SYT1: variants seen among roughly 807,000 people sequenced by gnomAD.
SYT1 encodes synaptotagmin-1.
SYT1 carries 8 observed loss-of-function variants against 44.8 expected under a neutral mutation model. That is an observed-to-expected ratio of 0.18 (90% CI 0.10 to 0.32). The LOEUF is 0.32. Among genes scored for constraint, SYT1 ranks in the 10% least tolerant of loss-of-function variants. SYT1 has a pLI of 1.00. For synonymous variants in SYT1, 154 were observed against 188.8 expected (o/e 0.82, Z 1.51); for missense variants, 286 against 509.3 (o/e 0.56, Z 4.22).
chr12:78,877,881 A>G (rs1874259580), intron 1 of SYT1, among the ~76,000 whole-genome samples: 1 of 151,716 alleles, frequency 6.6e-6, no homozygotes, highest in African/African-American at 2.4e-5. Flanking sequence ...TCCCTGATTC[A>G]GCTTCTCAAG....
At chr12:79,297,805 T>C (rs1217256513) in intron 7 of SYT1, among the ~76,000 whole-genome samples, 3 of 152,138 alleles carry the variant, frequency 2.0e-5, no homozygotes, top group Non-Finnish European at 4.4e-5. Flanking sequence ...TAAAAGACTT[T>C]AAAGAAGCCT....
chr12:79,152,846 G>T (rs1870358882), intron 3 of SYT1, among the ~76,000 whole-genome samples: 1 of 146,626 alleles, frequency 6.8e-6, no homozygotes, highest in Non-Finnish European at 1.5e-5. Context: ...CTAATTAACT[G>T]ATGATGCTTC....
At chr12:78,882,610 A>T (rs560667982) in intron 1 of SYT1, among the ~76,000 whole-genome samples, 1 of 151,850 alleles carries the variant, frequency 6.6e-6, no homozygotes, top group Non-Finnish European at 1.5e-5. Context: ...TGAACAAATA[A>T]TTGCAACAAA....
At chr12:79,154,853 T>C (rs1445491530) in intron 3 of SYT1, among the ~76,000 whole-genome samples, 25 of 152,066 alleles carry the variant, frequency 1.6e-4, no homozygotes, top group Non-Finnish European at 8.8e-5. Context: ...AAAAATGCTG[T>C]TTCACTCCAC....
chr12:79,250,340 T>C (rs1877124042), intron 4 of SYT1, among the ~76,000 whole-genome samples: 1 of 152,192 alleles, frequency 6.6e-6, no homozygotes, highest in South Asian at 2.1e-4. Flanking sequence ...TCTTTATTAA[T>C]AAATACAATT....
rs183154242 is a variant in SYT1 at position 78,869,546 on chromosome 12, A to G, written c.-217+4437A>G. On this transcript the variant is annotated intron_variant, in intron 1 of 10. Coordinates refer to ENST00000261205, the MANE Select transcript of SYT1 (RefSeq NM_005639.3). Reference sequence around the variant, plus strand: ...ACTAGAGATGCTATTTCTGCAATTTAAAATATAATATTAGAGATTCTATTG... The same window carrying G: ...ACTAGAGATGCTATTTCTGCAATTTGAAATATAATATTAGAGATTCTATTG... Among the ~76,000 whole-genome samples the G allele has an allele frequency of 6.7e-3, 1,014 of 152,076 alleles. 10 individuals are homozygous for G. The highest frequency in any genetic ancestry group is 0.023 in the African/African-American group (974 of 41,550).
chr12:79,106,739 GC>G, intron 3 of SYT1, among the ~76,000 whole-genome samples: 1 of 151,648 alleles, frequency 6.6e-6, no homozygotes, highest in East Asian at 1.9e-4. Context: ...TGACATAATA[GC>G]TAAAGGTGAT....
intron 2 of SYT1, among the ~76,000 whole-genome samples, chr12:79,021,147 C>A (rs1352795122): frequency 6.6e-6 from 1 of 151,896 alleles, no homozygotes; most frequent in East Asian, 1.9e-4. Context: ...AACATCCTTG[C>A]AAATGTATGC....
intron 3 of SYT1, among the ~76,000 whole-genome samples, chr12:79,170,951 C>T (rs1028230030): frequency 2.0e-5 from 3 of 152,028 alleles, no homozygotes; most frequent in Non-Finnish European, 4.4e-5. Flanking sequence ...AATAGGGAGT[C>T]CTTTCCCCAT....
At chr12:79,194,955 C>A (rs922412241) in intron 3 of SYT1, among the ~76,000 whole-genome samples, 2 of 152,162 alleles carry the variant, frequency 1.3e-5, no homozygotes, top group South Asian at 4.1e-4. Context: ...CTAAAATTGG[C>A]ATTTCAATAA....
intron 9 of SYT1, 92 bp downstream of exon 9, chr12:79,353,711 A>G: frequency 1.1e-6 from 1 of 893,546 alleles, no homozygotes; most frequent in Non-Finnish European, 1.9e-6. Context: ...CCCACTTCTT[A>G]ATTGATCACA....
chr12:79,291,432 G>A (rs939137907), intron 5 of SYT1, among the ~76,000 whole-genome samples: 3 of 152,112 alleles, frequency 2.0e-5, no homozygotes, highest in African/African-American at 4.8e-5. Flanking sequence ...CTCTAAACAC[G>A]GATTTGCTGG....
At chr12:79,082,593 G>A (rs1405709710) in intron 3 of SYT1, among the ~76,000 whole-genome samples, 1 of 152,286 alleles carries the variant, frequency 6.6e-6, no homozygotes, top group South Asian at 2.1e-4. Flanking sequence ...AAGTTGAGCA[G>A]TGATGGAAAA....
intron 9 of SYT1, among the ~76,000 whole-genome samples, chr12:79,363,974 A>C (rs2136031327): frequency 6.6e-6 from 1 of 152,264 alleles, no homozygotes; most frequent in South Asian, 2.1e-4. Context: ...AACAGACCTT[A>C]ATATACCCTG....
chr12:79,126,220 T>G (rs981297420), intron 3 of SYT1, among the ~76,000 whole-genome samples: 31 of 152,204 alleles, frequency 2.0e-4, no homozygotes, highest in Non-Finnish European at 1.3e-4. Flanking sequence ...CCCATATATA[T>G]GGCCATTAAT....
intron 4 of SYT1, among the ~76,000 whole-genome samples, chr12:79,219,039 G>T (rs1297178427): frequency 6.6e-6 from 1 of 151,938 alleles, no homozygotes; most frequent in Admixed American, 6.6e-5. Flanking sequence ...TTGATTTTTT[G>T]ATAATAGCCA....
At chr12:79,421,502 C>T (rs1168145829) in intron 9 of SYT1, among the ~76,000 whole-genome samples, 1 of 152,126 alleles carries the variant, frequency 6.6e-6, no homozygotes, top group Non-Finnish European at 1.5e-5. Context: ...AAGGTGGCTA[C>T]ACCATCATTA....
chr12:79,084,341 G>A (rs1877236859), intron 3 of SYT1, among the ~76,000 whole-genome samples: 1 of 152,168 alleles, frequency 6.6e-6, no homozygotes, highest in Middle Eastern at 3.4e-3. Context: ...GATATTATGA[G>A]GGTAAATGGT....
chr12:79,021,769 G>C (rs1055003115), intron 2 of SYT1, among the ~76,000 whole-genome samples: 2 of 151,724 alleles, frequency 1.3e-5, no homozygotes, highest in African/African-American at 4.8e-5. Context: ...GGCTTTTTAA[G>C]AAAATAATTT....
Sources: gnomAD v4.1 joint callset for allele counts (sites outside exome capture counted in the v4.1 genomes callset) on GRCh38, gnomAD v4.1.1 for gene constraint, MANE v1.5 for transcripts, NCBI Gene and HGNC (gene_info 2026-07-23, HGNC 2026-07-21) for gene names.